Variants in QTRT2 observed in about 807,000 individuals in gnomAD.
QTRT2 encodes the protein queuine tRNA-ribosyltransferase domain containing 1.
Under a neutral mutation model 44.8 loss-of-function variants are expected in QTRT2, and 32 were observed. That is an observed-to-expected ratio of 0.71 (90% confidence interval 0.54 to 0.96). QTRT2 has a LOEUF of 0.96. Among genes scored for constraint, QTRT2 ranks in the 40% least tolerant of loss-of-function variants. The pLI is 0.00. For missense variants in QTRT2, 461 were observed against 503.1 expected (o/e 0.92, Z 0.80); for synonymous variants, 182 against 187.4 (o/e 0.97, Z 0.24).
Position 114,087,545 on chromosome 3 carries a change from A to C in QTRT2, c.*1641A>C, listed in dbSNP as rs1239721562. On this transcript the variant is annotated 3_prime_UTR_variant, in exon 10 of 10. Transcript: ENST00000281273. The stretch of plus-strand genomic sequence containing the variant: ...AGGCGCCCGCCACCATGCCTGGCTA[A>C]TTTTTTATATTTTTAGTAGAGATGG... 2.0e-5 allele frequency: 3 copies of C among 152,008 alleles called. No homozygotes were observed. Among genetic ancestry groups the C allele is most frequent in the African/African-American group, 7.3e-5 (3 of 41,340 alleles). 9.4% of individuals were successfully genotyped at this position (152,008 alleles called of 1,614,324 possible). A position where few individuals can be genotyped will look rare whatever the true frequency, so the allele number is the denominator to read the frequency against.
chr3:114,069,172 G>A (rs866041861), intron 5 of QTRT2, among the ~76,000 whole-genome samples: 1 of 152,098 alleles, frequency 6.6e-6, no homozygotes, highest in African/African-American at 2.4e-5. Context: ...ATGTTGGCCT[G>A]CCATCTATGT....
In QTRT2 at chr3:114,057,136, ACTGCC is replaced by A. The variant is rs1221932315; in HGVS notation, c.-22+32_-22+36del. The A allele has an allele frequency of 1.1e-5, 14 of 1,223,082 alleles. No individual in the cohort carries two copies. The East Asian group carries it at 1.4e-4, about 12-fold the overall frequency. 75.8% of individuals were successfully genotyped at this position (1,223,082 alleles called of 1,614,324 possible). On this transcript the variant is annotated intron_variant, in intron 2 of 9. Coordinates refer to ENST00000281273, the MANE Select transcript of QTRT2 (RefSeq NM_024638.4). ...AGTTTTCAGGAAGTTTTTATTCCGAACTGCCCATGGGAGGGTGGGACCGTCTTCAA... is the reference window on the plus strand; with the variant it reads ...AGTTTTCAGGAAGTTTTTATTCCGAACATGGGAGGGTGGGACCGTCTTCAA...
intron 4 of QTRT2, 102 bp from the exon 5 acceptor site, chr3:114,067,885 T>G (rs1362925066): frequency 1.1e-6 from 1 of 901,194 alleles, no homozygotes; most frequent in Non-Finnish European, 1.8e-6. Context: ...GTGTTTAGAG[T>G]TGCTTTATTC....
In QTRT2 at chr3:114,067,994, A is replaced by G. The variant is rs764915388; in HGVS notation, c.264A>G (p.Pro88=). 3 of 1,613,604 alleles carry G rather than the reference A, an allele frequency of 1.9e-6. No homozygotes were observed. Among genetic ancestry groups the G allele is most frequent in the Non-Finnish European group, 2.5e-6 (3 of 1,179,750 alleles). ...TTTTTTGTGTTTATACAGGCATGCC[A>G]GAATCACTCTTGTACTGCTCCCTGC... The part of the protein sequence containing the change: ...KEGVGKFIGM[P]ESLLYCSLHD... The change falls in exon 5 of 10, where the codon CCA becomes CCG. Residue 88 remains proline (P), a synonymous_variant. Coordinates refer to ENST00000281273, the MANE Select transcript of QTRT2 (RefSeq NM_024638.4).
At chr3:114,064,811 C>T (rs1225301953) in intron 2 of QTRT2, among the ~76,000 whole-genome samples, 1 of 152,124 alleles carries the variant, frequency 6.6e-6, no homozygotes, top group Admixed American at 6.5e-5. Context: ...GCTTAGCCTT[C>T]CCTCAAATTG....
chr3:114,066,207 ATTT>A lies in QTRT2; in HGVS notation c.201-18_201-16del, dbSNP rs2076951784. On this transcript the variant is annotated intron_variant, in intron 3 of 9. Coordinates refer to ENST00000281273, the MANE Select transcript of QTRT2 (RefSeq NM_024638.4). Reference sequence around the variant, plus strand: ...AGAATGACACATTATTATGTTATGTATTTTTCTGTTTTGCTTACAGAGCAGAAC... The same window carrying A: ...AGAATGACACATTATTATGTTATGTATTCTGTTTTGCTTACAGAGCAGAAC... The A allele has an allele frequency of 6.4e-7, 1 of 1,565,104 alleles. No homozygotes were observed. The highest frequency in any genetic ancestry group is 8.8e-7 in the Non-Finnish European group (1 of 1,136,746).
chr3:114,068,105 A>AGGAAGTCAGCC (rs1227532060), intron 5 of QTRT2, 42 bp downstream of exon 5: 2 of 1,537,432 alleles, frequency 1.3e-6, no homozygotes, highest in Non-Finnish European at 1.8e-6. Flanking sequence ...GCTTTGTCCC[A>AGGAAGTCAGCC]GGAAGTCAGC....
chr3:114,057,210 G>GC, intron 2 of QTRT2, 104 bp downstream of exon 2: 4 of 365,834 alleles, frequency 1.1e-5, no homozygotes, highest in Non-Finnish European at 1.7e-5. Context: ...CATGGAGATG[G>GC]CCCATGGAGC....
At chr3:114,080,658 C>T (rs1310332495) in intron 8 of QTRT2, among the ~76,000 whole-genome samples, 1 of 152,170 alleles carries the variant, frequency 6.6e-6, no homozygotes, top group Non-Finnish European at 1.5e-5. Flanking sequence ...AGACTTTGGG[C>T]TGGAGTTGCT....
chr3:114,073,868 T>C (rs2077055889), intron 6 of QTRT2, among the ~76,000 whole-genome samples: 1 of 152,228 alleles, frequency 6.6e-6, no homozygotes, highest in Admixed American at 6.5e-5. Flanking sequence ...GGCAGGCCTA[T>C]GTAACTCTCT....
chr3:114,069,072 T>A (rs1001135552), intron 5 of QTRT2, among the ~76,000 whole-genome samples: 6 of 151,656 alleles, frequency 4.0e-5, no homozygotes, highest in African/African-American at 1.5e-4. Context: ...AAAAAAATAC[T>A]TTGACTTCCA....
chr3:114,086,077 T>C lies in QTRT2; in HGVS notation c.*173T>C. ...CCCACATGAGGGTGAAGAGATTTCC[T>C]CAAAAGACTTAAATGACCTGGATTG... On this transcript the variant is annotated 3_prime_UTR_variant, in exon 10 of 10. Coordinates refer to ENST00000281273, the MANE Select transcript of QTRT2 (RefSeq NM_024638.4). The C allele has an allele frequency of 3.4e-6, 2 of 593,312 alleles. No homozygotes were observed. Among genetic ancestry groups the C allele is most frequent in the Non-Finnish European group, 5.9e-6 (2 of 336,938 alleles). The allele number at this position is 593,312 out of a possible 1,614,324, so 36.8% of individuals were successfully genotyped here.
At chr3:114,084,083 G>GGT (rs1559964132) in intron 9 of QTRT2, among the ~76,000 whole-genome samples, 1 of 150,074 alleles carries the variant, frequency 6.7e-6, no homozygotes, top group African/African-American at 2.5e-5. Context: ...TTTTGTGGGG[G>GGT]GCAGAGTGTA....
chr3:114,074,651 C>T (rs111689427), intron 6 of QTRT2, among the ~76,000 whole-genome samples: 1,703 of 152,324 alleles, frequency 0.011, 16 homozygotes, highest in Middle Eastern at 0.034. Flanking sequence ...GTGAGATTCT[C>T]TCTTCACAGT....
At position 114,072,526 on chromosome 3, in the gene QTRT2, G is replaced by T. The variant is rs112499744; in HGVS notation, c.546+1688G>T. On this transcript the variant is annotated intron_variant, in intron 6 of 9. Transcript: ENST00000281273. ...GCTATATTTTAGCCCCAATCATATTGTATTTCAATGATTTCTTTATGCATT... is the reference window on the plus strand; with the variant it reads ...GCTATATTTTAGCCCCAATCATATTTTATTTCAATGATTTCTTTATGCATT... 5.1e-3 allele frequency among the ~76,000 whole-genome samples: 778 copies of T among 152,218 alleles called. 9 individuals carry two copies. The highest frequency in any genetic ancestry group is 0.017 in the African/African-American group (705 of 41,532).
intron 2 of QTRT2, 99 bp from the exon 3 acceptor site, chr3:114,065,138 G>A (rs1406813053): frequency 4.1e-6 from 3 of 738,588 alleles, no homozygotes; most frequent in Non-Finnish European, 6.9e-6. Context: ...TAATAAGCAT[G>A]CTATCATTCA....
intron 2 of QTRT2, among the ~76,000 whole-genome samples, chr3:114,062,363 T>C (rs1477393803): frequency 3.0e-5 from 3 of 99,832 alleles, no homozygotes; most frequent in Non-Finnish European, 6.0e-5. Flanking sequence ...AGTGAGACCT[T>C]GTCTCAAAAA....
At chr3:114,060,379 G>A (rs557276562) in intron 2 of QTRT2, among the ~76,000 whole-genome samples, 4 of 152,244 alleles carry the variant, frequency 2.6e-5, no homozygotes, top group African/African-American at 9.6e-5. Flanking sequence ...ATCTGAGATT[G>A]GTTGTTTGGT....
chr3:114,060,865 T>G (rs1362343536), intron 2 of QTRT2, among the ~76,000 whole-genome samples: 1 of 152,154 alleles, frequency 6.6e-6, no homozygotes, highest in East Asian at 1.9e-4. Context: ...TGCAATACAG[T>G]GACGGTTGAT....
Sources: gnomAD v4.1 joint callset for allele counts (sites outside exome capture counted in the v4.1 genomes callset) on GRCh38, gnomAD v4.1.1 for gene constraint, MANE v1.5 for transcripts, NCBI Gene and HGNC (gene_info 2026-07-23, HGNC 2026-07-21) for gene names.